GABRA2: variants seen among roughly 807,000 people sequenced by gnomAD.
GABRA2 encodes gamma-aminobutyric acid type A receptor subunit alpha2, also known as gamma-aminobutyric acid receptor subunit alpha-2.
A neutral mutation model predicts 48.7 loss-of-function variants in GABRA2; 16 were observed. The observed-to-expected ratio is 0.33, with a 90% CI of 0.22 to 0.50. GABRA2 has a LOEUF of 0.50. GABRA2 is among the 20% of genes least tolerant of loss of function. GABRA2 has a pLI of 0.98. For synonymous variants in GABRA2, 185 were observed against 184.5 expected (o/e 1.00, Z -0.02); for missense variants, 275 against 535.6 (o/e 0.51, Z 4.80).
At chr4:46,293,342 A>G (rs1236234465) in intron 8 of GABRA2, among the ~76,000 whole-genome samples, 1 of 152,126 alleles carries the variant, frequency 6.6e-6, no homozygotes, top group Non-Finnish European at 1.5e-5. Context: ...CATGCCATTA[A>G]TCTTTCTCCC....
At chr4:46,305,414 T>TAA (rs35011150) in intron 7 of GABRA2, among the ~76,000 whole-genome samples, 154 bp downstream of exon 7, 213 of 143,612 alleles carry the variant, frequency 1.5e-3, no homozygotes, top group Middle Eastern at 7.2e-3. Context: ...AAAGTATAAT[T>TAA]AAAAAAAAAA....
At chr4:46,274,096 T>C (rs1405437317) in intron 8 of GABRA2, among the ~76,000 whole-genome samples, 1 of 152,158 alleles carries the variant, frequency 6.6e-6, no homozygotes, top group Non-Finnish European at 1.5e-5. Context: ...TGGGAGACAG[T>C]AGTCATCTCT....
intron 3 of GABRA2, among the ~76,000 whole-genome samples, chr4:46,342,883 G>T (rs1343437491): frequency 1.3e-5 from 2 of 151,882 alleles, no homozygotes; most frequent in Non-Finnish European, 2.9e-5. Context: ...AGCTGGCCTT[G>T]AACTCCTGGC....
At position 46,352,129 on chromosome 4, in the gene GABRA2, T is replaced by G. The variant is rs1416613344; in HGVS notation, c.188-19447A>C. 2.0e-5 allele frequency among the ~76,000 whole-genome samples: 3 copies of G among 152,024 alleles called. No homozygotes were observed. The East Asian group carries it at 5.8e-4, about 29-fold the overall frequency. On this transcript the variant is annotated intron_variant, in intron 3 of 9. Coordinates refer to ENST00000381620, the MANE Select transcript of GABRA2 (RefSeq NM_000807.4). ...CGCCCCATGTTTGCCTTCACTGAAC[T>G]CAGAACGTGGGACGGTTAGACTTTT... is the stretch of plus-strand genomic sequence containing the variant.
At position 46,244,221 on chromosome 4, in the gene GABRA2, C is replaced by G. The variant is rs1473139114; in HGVS notation, c.*6087G>C. On this transcript the variant is annotated 3_prime_UTR_variant, in exon 10 of 10. Coordinates refer to ENST00000381620, the MANE Select transcript of GABRA2 (RefSeq NM_000807.4). ...TTTACACATTATGATCAGTTTAAAG[C>G]ACAATCAATTGCTTCAACGACTATG... The G allele has an allele frequency of 6.6e-6, 1 of 151,536 alleles. No individual in the cohort carries two copies. Among genetic ancestry groups the G allele is most frequent in the Non-Finnish European group, 1.5e-5 (1 of 67,660 alleles). The allele number at this position is 151,536 out of a possible 1,614,324, so 9.4% of individuals were successfully genotyped here. A position where few individuals can be genotyped will look rare whatever the true frequency, so the allele number is the denominator to read the frequency against.
chr4:46,265,964 T>C (rs981385073), intron 8 of GABRA2, among the ~76,000 whole-genome samples: 4 of 152,044 alleles, frequency 2.6e-5, no homozygotes, highest in South Asian at 2.1e-4. Flanking sequence ...TGTTTACATA[T>C]GCAAATTTTC....
intron 3 of GABRA2, among the ~76,000 whole-genome samples, chr4:46,379,489 C>A (rs1203907054): frequency 6.6e-6 from 1 of 152,206 alleles, no homozygotes; most frequent in African/African-American, 2.4e-5. Flanking sequence ...GCGAAATCAT[C>A]CCAATTTATT....
In GABRA2 at chr4:46,388,680, G is replaced by A. The variant is rs1560618643; in HGVS notation, c.27C>T (p.Asn9=). The A allele has an allele frequency of 1.9e-6, 3 of 1,614,128 alleles. No homozygotes were observed. Among genetic ancestry groups the A allele is most frequent in the Non-Finnish European group, 2.5e-6 (3 of 1,180,014 alleles). Reference sequence around the variant, plus strand: ...AGAAAACAAAAAGCAGGAACTGCATGTTGTAGATGTTCAATTTTGTCTTCA... The same window carrying A: ...AGAAAACAAAAAGCAGGAACTGCATATTGTAGATGTTCAATTTTGTCTTCA... MKTKLNIY[N]MQFLLFVFLV... Residue 9 remains asparagine (N), a synonymous_variant, in exon 2 of 10, where the codon AAC becomes AAT. Coordinates refer to ENST00000381620, the MANE Select transcript of GABRA2 (RefSeq NM_000807.4).
At chr4:46,294,391 T>C (rs1269050182) in intron 8 of GABRA2, among the ~76,000 whole-genome samples, 3 of 152,220 alleles carry the variant, frequency 2.0e-5, no homozygotes, top group African/African-American at 7.2e-5. Context: ...TTGCTGCATT[T>C]GGCCCCTCCT....
intron 8 of GABRA2, among the ~76,000 whole-genome samples, chr4:46,280,985 C>A (rs1221603091): frequency 6.6e-6 from 1 of 152,158 alleles, no homozygotes; most frequent in Non-Finnish European, 1.5e-5. Flanking sequence ...CCCTGATCAT[C>A]GACTTCCAGT....
At chr4:46,273,504 T>TATATATATATATATATATGC (rs1719852053) in intron 8 of GABRA2, among the ~76,000 whole-genome samples, 1 of 19,986 alleles carries the variant, frequency 5.0e-5, no homozygotes, top group African/African-American at 2.3e-4. Flanking sequence ...TATATATGCA[T>TATATATATATATATATATGC]ATATATATAT....
chr4:46,377,012 C>T (rs1243569441), intron 3 of GABRA2, among the ~76,000 whole-genome samples: 2 of 152,176 alleles, frequency 1.3e-5, no homozygotes, highest in African/African-American at 2.4e-5. Context: ...GCCGGGATTG[C>T]AGACGGAGTC....
At chr4:46,325,560 G>A (rs1009320439) in intron 4 of GABRA2, among the ~76,000 whole-genome samples, 2 of 152,068 alleles carry the variant, frequency 1.3e-5, no homozygotes, top group Admixed American at 6.6e-5. Context: ...CCTTTCCCAT[G>A]AAGAAGCTTT....
chr4:46,348,203 T>C (rs1318324279), intron 3 of GABRA2, among the ~76,000 whole-genome samples: 2 of 151,940 alleles, frequency 1.3e-5, no homozygotes, highest in African/African-American at 4.8e-5. Context: ...ATCAGAGAAA[T>C]GCAAATCAAA....
intron 8 of GABRA2, among the ~76,000 whole-genome samples, chr4:46,279,457 A>G (rs1171870612): frequency 6.6e-6 from 1 of 152,160 alleles, no homozygotes; most frequent in Non-Finnish European, 1.5e-5. Context: ...GTAGTTTTAT[A>G]TGACAAAATC....
intron 3 of GABRA2, among the ~76,000 whole-genome samples, chr4:46,375,584 G>A (rs1175193409): frequency 2.0e-5 from 3 of 152,154 alleles, no homozygotes. Flanking sequence ...ATAGAAAAAT[G>A]TGCTCTCTGA....
chr4:46,265,449 T>TATATATATA (rs1166768795), intron 8 of GABRA2, among the ~76,000 whole-genome samples: 13 of 136,130 alleles, frequency 9.5e-5, no homozygotes, highest in Admixed American at 3.1e-4. Context: ...ATATATTGTG[T>TATATATATA]ATATATATAA....
At chr4:46,382,761 GTC>G in intron 3 of GABRA2, among the ~76,000 whole-genome samples, 1 of 152,176 alleles carries the variant, frequency 6.6e-6, no homozygotes, top group Non-Finnish European at 1.5e-5. Context: ...GGCTCAAAAT[GTC>G]TACAATAAGA....
intron 7 of GABRA2, among the ~76,000 whole-genome samples, chr4:46,305,298 G>C (rs1726477208): frequency 1.3e-5 from 2 of 150,292 alleles, no homozygotes; most frequent in Non-Finnish European, 3.0e-5. Flanking sequence ...AGCATTAGGA[G>C]ATATATCTAA....
Sources: allele counts gnomAD v4.1 joint callset (sites outside exome capture counted in the v4.1 genomes callset), GRCh38; gene constraint gnomAD v4.1.1; transcripts MANE v1.5; gene names NCBI Gene and HGNC (gene_info 2026-07-23, HGNC 2026-07-21).